The following MND1 variants were observed in gnomAD, a reference collection of about 807,000 sequenced individuals.
MND1 encodes meiotic nuclear divisions 1, also known as meiotic nuclear division protein 1 homolog.
MND1 carries 28 observed loss-of-function variants against 35.1 expected under a neutral mutation model. The ratio of observed to expected loss-of-function variants is 0.80; its 90% confidence interval spans 0.59 to 1.09. The LOEUF (loss-of-function observed/expected upper bound fraction) is 1.09, where lower values mean the gene tolerates loss of function less well. Ranked by LOEUF, MND1 falls within the 50% of genes least tolerant of loss-of-function variation. The pLI is 0.00. For synonymous variants in MND1, 69 were observed against 70.5 expected, an observed-to-expected ratio of 0.98 and a Z score of 0.11; for missense variants, 213 against 239.6, an observed-to-expected ratio of 0.89 and a Z score of 0.73.
chr4:153,383,195 C>G (rs558793206), intron 4 of MND1, among the ~76,000 whole-genome samples: 1 of 152,160 alleles, frequency 6.6e-6, no homozygotes, highest in Non-Finnish European at 1.5e-5. Context: ...GAGCTCACCT[C>G]GAACTGTGTT....
intron 3 of MND1, among the ~76,000 whole-genome samples, chr4:153,358,182 G>A (rs1187503069): frequency 6.6e-6 from 1 of 152,130 alleles, no homozygotes; most frequent in Non-Finnish European, 1.5e-5. Flanking sequence ...GAGTCATCCA[G>A]TGTTACTGCT....
chr4:153,371,000 T>C (rs762901297), intron 4 of MND1, among the ~76,000 whole-genome samples: 6 of 152,118 alleles, frequency 3.9e-5, no homozygotes, highest in Non-Finnish European at 8.8e-5. Flanking sequence ...ATGGATATTG[T>C]GTTATTAGGC....
intron 3 of MND1, chr4:153,355,928 A>G (rs559086184): frequency 9.5e-6 from 4 of 421,074 alleles, no homozygotes; most frequent in Non-Finnish European, 1.3e-5. Flanking sequence ...TACATTTTGA[A>G]TATATATCCC....
intron 3 of MND1, among the ~76,000 whole-genome samples, chr4:153,356,077 C>T (rs950821890): frequency 7.9e-5 from 12 of 152,136 alleles, no homozygotes; most frequent in African/African-American, 2.4e-4. Context: ...GAGGCTGAAG[C>T]GGGAGGATCA....
intron 4 of MND1, among the ~76,000 whole-genome samples, chr4:153,378,732 A>G (rs1728579149): frequency 6.6e-6 from 1 of 152,214 alleles, no homozygotes; most frequent in Non-Finnish European, 1.5e-5. Flanking sequence ...ATCATATCCC[A>G]ACATGTGCAA....
chr4:153,392,410 CAGTT>C (rs1291285679), intron 4 of MND1, among the ~76,000 whole-genome samples: 3 of 152,078 alleles, frequency 2.0e-5, no homozygotes, highest in Non-Finnish European at 4.4e-5. Flanking sequence ...CGGCCGTAAA[CAGTT>C]AGTTTTTTAT....
At chr4:153,410,746 T>C (rs898836722) in intron 7 of MND1, among the ~76,000 whole-genome samples, 2 of 152,136 alleles carry the variant, frequency 1.3e-5, no homozygotes, top group African/African-American at 4.8e-5. Flanking sequence ...ATCCCAGCAC[T>C]TTGGGAGGCC....
chr4:153,411,541 ATTG>A (rs1216336146), intron 7 of MND1, among the ~76,000 whole-genome samples: 1 of 152,142 alleles, frequency 6.6e-6, no homozygotes, highest in East Asian at 1.9e-4. Flanking sequence ...TCCATTAGGC[ATTG>A]TTGTGGAGAG....
intron 4 of MND1, among the ~76,000 whole-genome samples, chr4:153,381,350 T>C (rs1324526659): frequency 6.6e-6 from 1 of 151,840 alleles, no homozygotes; most frequent in Non-Finnish European, 1.5e-5. Context: ...AGCTATAGAA[T>C]TCCCATTCCC....
intron 7 of MND1, among the ~76,000 whole-genome samples, chr4:153,410,796 G>A (rs1295243258): frequency 6.6e-6 from 1 of 152,104 alleles, no homozygotes; most frequent in African/African-American, 2.4e-5. Context: ...TTCAAGACCA[G>A]CCTGGCCAAC....
chr4:153,405,750 G>T (rs986701782), intron 6 of MND1, among the ~76,000 whole-genome samples: 2 of 152,226 alleles, frequency 1.3e-5, no homozygotes, highest in Admixed American at 6.5e-5. Flanking sequence ...AACTCAAATG[G>T]ATCAAAGACC....
chr4:153,345,121 C>G (rs536146224), intron 1 of MND1, among the ~76,000 whole-genome samples: 51 of 152,330 alleles, frequency 3.3e-4, no homozygotes, highest in Non-Finnish European at 5.9e-4. Context: ...CCTTGAGAAC[C>G]TGGGCTCCCT....
intron 4 of MND1, 81 bp from the exon 5 acceptor site, chr4:153,394,181 C>A: frequency 1.5e-6 from 2 of 1,305,764 alleles, no homozygotes; most frequent in East Asian, 2.6e-5. Flanking sequence ...TGAGCCACTG[C>A]ACCTGGTGGA....
chr4:153,356,307 G>C (rs538527236), intron 3 of MND1, among the ~76,000 whole-genome samples: 1 of 152,260 alleles, frequency 6.6e-6, no homozygotes, highest in East Asian at 1.9e-4. Flanking sequence ...TATAATCCCA[G>C]CACTTTGGGA....
intron 4 of MND1, 22 bp downstream of exon 4, chr4:153,358,644 G>T (rs763563646): frequency 1.2e-6 from 2 of 1,603,574 alleles, no homozygotes; most frequent in Admixed American, 3.5e-5. Context: ...CAGTTAAAAA[G>T]AATAGAGTTG....
In MND1 at chr4:153,360,667, TATAA is replaced by T. The variant is rs58220178; in HGVS notation, c.276+2065_276+2068del. ...ACACAAAAATATATAAATATTTTTATATAAATAAATAAATAAATAAATACTATAA... is the reference window on the plus strand; with the variant it reads ...ACACAAAAATATATAAATATTTTTATATAAATAAATAAATAAATACTATAA... On this transcript the variant is annotated intron_variant, in intron 4 of 7. Coordinates refer to ENST00000240488, the MANE Select transcript of MND1 (RefSeq NM_032117.4). 1.0e-3 allele frequency among the ~76,000 whole-genome samples: 114 copies of T among 109,838 alleles called. 1 individual carries two copies. Among genetic ancestry groups the T allele is most frequent in the South Asian group, 6.4e-3 (24 of 3,728 alleles). The allele number at this position is 109,838 out of a possible 152,430, so 72.1% of individuals were successfully genotyped here.
chr4:153,394,512 A>T (rs1005528600), intron 5 of MND1, among the ~76,000 whole-genome samples, 176 bp downstream of exon 5: 3 of 152,184 alleles, frequency 2.0e-5, no homozygotes, highest in South Asian at 2.1e-4. Context: ...TTTTATTATT[A>T]TTATATATGG....
intron 1 of MND1, among the ~76,000 whole-genome samples, chr4:153,347,979 G>A (rs186926079): frequency 6.6e-6 from 1 of 152,214 alleles, no homozygotes; most frequent in East Asian, 1.9e-4. Flanking sequence ...ATGTCTGGGA[G>A]CCACTGGAGG....
chr4:153,349,442 C>A (rs1016767193), intron 1 of MND1, among the ~76,000 whole-genome samples: 1 of 152,176 alleles, frequency 6.6e-6, no homozygotes, highest in Admixed American at 6.5e-5. Flanking sequence ...AGTCCACTGT[C>A]AGCTGGACAG....
Sources: gnomAD v4.1 joint callset for allele counts (sites outside exome capture counted in the v4.1 genomes callset) on GRCh38, gnomAD v4.1.1 for gene constraint, MANE v1.5 for transcripts, NCBI Gene and HGNC (gene_info 2026-07-23, HGNC 2026-07-21) for gene names.